The following FGD5 variants were observed in gnomAD, a reference collection of about 807,000 sequenced individuals.
FGD5 encodes FYVE, RhoGEF and PH domain containing 5, also known as FYVE, RhoGEF and PH domain-containing protein 5.
In FGD5, 28 loss-of-function variants were observed where a neutral mutation model predicts 133.4. The observed-to-expected ratio is 0.21, with a 90% CI of 0.16 to 0.29. The LOEUF (loss-of-function observed/expected upper bound fraction) is 0.29, where lower values mean the gene tolerates loss of function less well. Ranked by LOEUF, FGD5 falls within the 10% of genes least tolerant of loss-of-function variation. FGD5 has a pLI of 1.00. For missense variants in FGD5, 1,858 were observed against 1,895.2 expected, an observed-to-expected ratio of 0.98 and a Z score of 0.36; for synonymous variants, 810 against 776.5, an observed-to-expected ratio of 1.04 and a Z score of -0.72.
At chr3:14,867,212 G>T (rs939583515) in intron 2 of FGD5, among the ~76,000 whole-genome samples, 2 of 152,154 alleles carry the variant, frequency 1.3e-5, no homozygotes, top group Non-Finnish European at 2.9e-5. Context: ...TTGTTTTGTG[G>T]ATTTGTTGTT....
At chr3:14,865,192 G>A (rs972328997) in intron 2 of FGD5, among the ~76,000 whole-genome samples, 1 of 135,914 alleles carries the variant, frequency 7.4e-6, no homozygotes, top group Non-Finnish European at 1.5e-5. Flanking sequence ...CGCCCCCTTC[G>A]CCCGCTTCCC....
At chr3:14,853,364 A>G (rs1306711936) in intron 1 of FGD5, among the ~76,000 whole-genome samples, 1 of 152,060 alleles carries the variant, frequency 6.6e-6, no homozygotes, top group Non-Finnish European at 1.5e-5. Flanking sequence ...CCCACTTACA[A>G]GCTCTTCCAG....
chr3:14,874,885 C>T (rs527782071), intron 2 of FGD5, among the ~76,000 whole-genome samples: 2 of 152,358 alleles, frequency 1.3e-5, no homozygotes, highest in South Asian at 4.1e-4. Context: ...AACTGACCAG[C>T]TGGTCCTGGG....
intron 11 of FGD5, among the ~76,000 whole-genome samples, chr3:14,911,717 A>G (rs1575252383): frequency 6.7e-6 from 1 of 149,870 alleles, no homozygotes; most frequent in Non-Finnish European, 1.5e-5. Flanking sequence ...TCAGAGTCCA[A>G]TGGGAGGGAG....
chr3:14,904,465 C>T (rs2038300453), intron 9 of FGD5, among the ~76,000 whole-genome samples: 1 of 151,828 alleles, frequency 6.6e-6, no homozygotes, highest in Non-Finnish European at 1.5e-5. Flanking sequence ...CAGTTGGTTT[C>T]TGTGCCCTTT....
Position 14,820,746 on chromosome 3 carries a change from C to G in FGD5, c.1675C>G (p.Pro559Ala), listed in dbSNP as rs1240365824. 6.2e-7 allele frequency: 1 copy of G among 1,609,586 alleles called. No individual in the cohort carries two copies. The highest frequency in any genetic ancestry group is 1.3e-5 in the African/African-American group (1 of 74,588). Residue 559 changes from proline to alanine, a missense_variant, in exon 1 of 20, where the codon CCA becomes GCA. By Grantham distance (27) the Pro-to-Ala change is conservative. Around this residue, in one of 3 missense-constraint regions of FGD5, gnomAD observed 1,824 missense variants for 1,848.9 expected, o/e 0.99. Coordinates refer to ENST00000285046, the MANE Select transcript of FGD5 (RefSeq NM_152536.4). The part of the protein sequence containing the change: ...RSFSVEGREI[P>A]VSVYQEPEGS... ...GTTCTCCGTGGAAGGCCGAGAGATT[C>G]CAGTGTCCGTGTACCAGGAGCCTGA...
chr3:14,829,088 C>G (rs2036655231), intron 1 of FGD5, among the ~76,000 whole-genome samples: 2 of 152,042 alleles, frequency 1.3e-5, no homozygotes, highest in African/African-American at 4.8e-5. Context: ...GCCACTGCGC[C>G]CGGCCAAGGT....
At chr3:14,918,697 G>A (rs2117776) in intron 12 of FGD5, 57 bp from the exon 13 acceptor site, 22 of 1,545,218 alleles carry the variant, frequency 1.4e-5, no homozygotes, top group Admixed American at 3.4e-5. Flanking sequence ...AGGAGAAGCC[G>A]GTCTACACTT....
chr3:14,910,797 G>C, intron 10 of FGD5, 64 bp from the exon 11 acceptor site: 1 of 1,508,584 alleles, frequency 6.6e-7, no homozygotes, highest in Non-Finnish European at 9.1e-7. Context: ...GGCCTCCCCT[G>C]CACCCTTGTC....
chr3:14,853,433 C>G (rs2037205474), intron 1 of FGD5, among the ~76,000 whole-genome samples: 1 of 152,054 alleles, frequency 6.6e-6, no homozygotes, highest in Non-Finnish European at 1.5e-5. Context: ...TTCAAACTTT[C>G]CAGCTCCCAG....
intron 1 of FGD5, among the ~76,000 whole-genome samples, chr3:14,829,905 T>C (rs1259895536): frequency 6.6e-6 from 1 of 152,164 alleles, no homozygotes; most frequent in Non-Finnish European, 1.5e-5. Flanking sequence ...CTGACTTTTA[T>C]GTATTTTTTT....
At chr3:14,824,563 C>A (rs1486893539) in intron 1 of FGD5, among the ~76,000 whole-genome samples, 2 of 152,166 alleles carry the variant, frequency 1.3e-5, no homozygotes, top group Admixed American at 1.3e-4. Context: ...CCTAAGGTCC[C>A]AACACTTGTT....
chr3:14,902,281 TAAAAAAA>T (rs34728691), intron 9 of FGD5, among the ~76,000 whole-genome samples: 4 of 124,486 alleles, frequency 3.2e-5, no homozygotes, highest in Admixed American at 2.4e-4. Context: ...GATTCCATCT[TAAAAAAA>T]AAAAAAAAAA....
chr3:14,871,399 A>G lies in FGD5; in HGVS notation c.2658+7139A>G, dbSNP rs147225243. On this transcript the variant is annotated intron_variant, in intron 2 of 19. Coordinates refer to ENST00000285046, the MANE Select transcript of FGD5 (RefSeq NM_152536.4). ...AGAAAAACAAACTCGAATGTCTGAC[A>G]GTTTAATAAAATGAAAACACTTGTT... is the stretch of plus-strand genomic sequence containing the variant. 1.2e-3 allele frequency among the ~76,000 whole-genome samples: 176 copies of G among 152,362 alleles called. 1 individual carries two copies. The highest frequency in any genetic ancestry group is 3.8e-3 in the African/African-American group (160 of 41,580).
At chr3:14,846,393 T>C (rs1039346022) in intron 1 of FGD5, among the ~76,000 whole-genome samples, 4 of 152,170 alleles carry the variant, frequency 2.6e-5, no homozygotes, top group African/African-American at 9.7e-5. Flanking sequence ...TTTCCCAGCT[T>C]TCTATTGTCG....
chr3:14,922,523 G>C lies in FGD5; in HGVS notation c.3782G>C (p.Arg1261Pro). The C allele has an allele frequency of 6.3e-7, 1 of 1,582,188 alleles. No homozygotes were observed. The highest frequency in any genetic ancestry group is 8.6e-7 in the Non-Finnish European group (1 of 1,164,270). The change falls in exon 15 of 20, where the codon CGT becomes CCT. Residue 1261 changes from arginine to proline, a missense_variant. Physicochemically the swap from Arg to Pro is moderately radical, Grantham distance 103. This residue lies in a region of FGD5 where 1,824 missense variants were observed against 1,848.9 expected (regional missense o/e 0.99). Coordinates refer to ENST00000285046, the MANE Select transcript of FGD5 (RefSeq NM_152536.4). This position sits in a 1 kb window ranked among gnomAD's most constrained non-coding sequence, Gnocchi z 4.1. ...TGCGACTTCTCCCTCACCCTGCGGC[G>C]TCATCACTGTCACGCCTGTGGCAAG... The part of the protein sequence containing the change: ...CGCDFSLTLR[R>P]HHCHACGKIV...
At chr3:14,880,173 T>C (rs2037797546) in intron 2 of FGD5, among the ~76,000 whole-genome samples, 2 of 152,048 alleles carry the variant, frequency 1.3e-5, no homozygotes, top group African/African-American at 4.8e-5. Context: ...GTCAATGTAA[T>C]GAGACCCTGT....
chr3:14,890,373 G>C (rs1416179858), intron 4 of FGD5, among the ~76,000 whole-genome samples: 2 of 152,230 alleles, frequency 1.3e-5, no homozygotes, highest in Non-Finnish European at 2.9e-5. Context: ...CAAACTCTCT[G>C]AGGGCAGAAG....
intron 4 of FGD5, among the ~76,000 whole-genome samples, chr3:14,889,176 C>T (rs1342926976): frequency 6.6e-6 from 1 of 152,152 alleles, no homozygotes; most frequent in Admixed American, 6.5e-5. Flanking sequence ...GGAGCGCTTG[C>T]TTGTCTTCCC....
Sources: allele counts gnomAD v4.1 joint callset (sites outside exome capture counted in the v4.1 genomes callset), GRCh38; gene constraint gnomAD v4.1.1; regional missense constraint gnomAD v4.1.1; non-coding constraint Gnocchi (gnomAD v3.1); transcripts MANE v1.5; gene names NCBI Gene and HGNC (gene_info 2026-07-23, HGNC 2026-07-21).